FMNL3: variants seen among roughly 807,000 people sequenced by gnomAD.
The protein encoded by FMNL3 is formin like 3.
FMNL3 carries 57 observed loss-of-function variants against 119.6 expected under a neutral mutation model. The ratio of observed to expected loss-of-function variants is 0.48; its 90% CI spans 0.39 to 0.59. FMNL3 has a LOEUF of 0.59. Among genes scored for constraint, FMNL3 ranks in the 20% least tolerant of loss-of-function variants. FMNL3 has a pLI of 0.00. For missense variants in FMNL3, 1,053 were observed against 1,323.5 expected (o/e 0.80, Z 3.17); for synonymous variants, 491 against 507.3 (o/e 0.97, Z 0.43).
intron 1 of FMNL3, among the ~76,000 whole-genome samples, chr12:49,698,764 T>A (rs887533102): frequency 6.6e-6 from 1 of 152,068 alleles, no homozygotes; most frequent in Non-Finnish European, 1.5e-5. Context: ...TCACTCTCCA[T>A]GTGAAAGGAA....
chr12:49,680,287 C>T (rs918284802), intron 1 of FMNL3, among the ~76,000 whole-genome samples: 3 of 152,240 alleles, frequency 2.0e-5, no homozygotes, highest in African/African-American at 7.2e-5. Context: ...CTTCCAGACA[C>T]ATGTGGGAGG....
chr12:49,653,813 A>T lies in FMNL3; in HGVS notation c.1133T>A (p.Val378Glu), dbSNP rs752743403. Reference protein sequence around the residue: ...QVQIQAYLDNVFDVGGLLEDA... With the variant: ...QVQIQAYLDNEFDVGGLLEDA... ...CTCCAACAAACCCCCGACATCAAACACGTTGTCCAGATATGCCTGAATCTG... is the reference window on the plus strand; with the variant it reads ...CTCCAACAAACCCCCGACATCAAACTCGTTGTCCAGATATGCCTGAATCTG... Residue 378 changes from valine (V) to glutamate (E), a missense_variant, in exon 12 of 26, where the codon GTG becomes GAG. This residue lies in a region of FMNL3 where 445 missense variants were observed against 628.4 expected (regional missense o/e 0.71). Transcript: ENST00000335154. 6 of 1,614,076 alleles carry T rather than the reference A, an allele frequency of 3.7e-6. No individual in the cohort carries two copies. The highest frequency in any genetic ancestry group is 3.3e-5 in the Admixed American group (2 of 60,018).
rs1056396497 is a variant in FMNL3 at position 49,642,138 on chromosome 12, G to T, written c.*3677C>A. 3.1e-6 allele frequency: 5 copies of T among 1,605,856 alleles called. No homozygotes were observed. Among genetic ancestry groups the T allele is most frequent in the Non-Finnish European group, 4.3e-6 (5 of 1,174,554 alleles). ...CCCAATTCAGGGGATGGTGGTAGAA[G>T]CCCAGACCCTAACTTTCCACCTCCT... On this transcript the variant is annotated 3_prime_UTR_variant, in exon 26 of 26. Coordinates refer to ENST00000335154, the MANE Select transcript of FMNL3 (RefSeq NM_175736.5). This position sits in a 1 kb window ranked among gnomAD's most constrained non-coding sequence, Gnocchi z 5.8.
At chr12:49,668,629 C>T in intron 1 of FMNL3, 75 bp from the exon 2 acceptor site, 1 of 1,339,234 alleles carries the variant, frequency 7.5e-7, no homozygotes, top group Non-Finnish European at 1.1e-6. Flanking sequence ...ACTGCCCACA[C>T]CTTTCTGCTA....
rs151111602 is a variant in FMNL3 at position 49,683,960 on chromosome 12, C to A, written c.127-15406G>T. On this transcript the variant is annotated intron_variant, in intron 1 of 25. Coordinates refer to ENST00000335154, the MANE Select transcript of FMNL3 (RefSeq NM_175736.5). Reference sequence around the variant, plus strand: ...GTCCTATTCCTAAATACCCTTTTAGCCAGCAGAGATTTCCTTCTCTGGGCA... The same window carrying A: ...GTCCTATTCCTAAATACCCTTTTAGACAGCAGAGATTTCCTTCTCTGGGCA... Among the ~76,000 whole-genome samples, 93 of 152,296 alleles carry A rather than the reference C, an allele frequency of 6.1e-4. 1 individual carries two copies. The highest frequency in any genetic ancestry group is 4.0e-3 in the Admixed American group (61 of 15,300).
At position 49,648,204 on chromosome 12, in the gene FMNL3, TG is replaced by T; in HGVS notation, c.2664del (p.Lys889ArgfsTer53). 6.2e-7 allele frequency: 1 copy of T among 1,613,272 alleles called. No homozygotes were observed. Among genetic ancestry groups the T allele is most frequent in the Non-Finnish European group, 8.5e-7 (1 of 1,179,590 alleles). ...CACCCCGTGCTTGCCTCAGCCGTCT[TG>T]GCGTCCCGCTGGAGCTTGTCTAGTT... is the stretch of plus-strand genomic sequence containing the variant. ...EGKLDKLQRD[A>X]KTAEEAYNAV... On this transcript the variant is annotated frameshift_variant, in exon 22 of 26. Transcript: ENST00000335154. LOFTEE classifies it high-confidence loss of function.
intron 1 of FMNL3, among the ~76,000 whole-genome samples, chr12:49,692,910 G>A (rs1283457802): frequency 2.0e-5 from 3 of 152,176 alleles, no homozygotes; most frequent in East Asian, 1.9e-4. Flanking sequence ...AGAAAGAGTC[G>A]TTTTAACATC....
In FMNL3 at chr12:49,657,102, T is replaced by A; in HGVS notation, c.694A>T (p.Arg232Ter). ...CTTACCTGATAGTTCATGATGGCTCTGAGACAAAGGATACAGACGTGGACG... is the reference window on the plus strand; with the variant it reads ...CTTACCTGATAGTTCATGATGGCTCAGAGACAAAGGATACAGACGTGGACG... ...DDVHVCILCL[R>*]AIMNYQYGFN... The change falls in exon 7 of 26, where the codon AGA (arginine) becomes TGA (stop). Residue 232 changes from arginine to a stop codon, truncating the protein, a stop_gained. Coordinates refer to ENST00000335154, the MANE Select transcript of FMNL3 (RefSeq NM_175736.5). LOFTEE classifies it high-confidence loss of function. 1.2e-6 allele frequency: 2 copies of A among 1,614,182 alleles called. No individual in the cohort carries two copies. Among genetic ancestry groups the A allele is most frequent in the Non-Finnish European group, 1.7e-6 (2 of 1,180,022 alleles).
chr12:49,694,412 C>T (rs1186895599), intron 1 of FMNL3, among the ~76,000 whole-genome samples: 1 of 152,148 alleles, frequency 6.6e-6, no homozygotes, highest in African/African-American at 2.4e-5. Flanking sequence ...CCCGATTATT[C>T]CTTACATGCA....
chr12:49,675,667 G>A (rs1337332089), intron 1 of FMNL3, among the ~76,000 whole-genome samples: 1 of 152,176 alleles, frequency 6.6e-6, no homozygotes, highest in Non-Finnish European at 1.5e-5. Flanking sequence ...TCTGGGATAA[G>A]CTTCTAGCTG....
intron 1 of FMNL3, among the ~76,000 whole-genome samples, chr12:49,706,352 A>AG (rs1000868604): frequency 4.6e-5 from 7 of 152,286 alleles, no homozygotes; most frequent in South Asian, 4.1e-4. Context: ...TAACGTGAAA[A>AG]GGGGGGGAGG....
At chr12:49,654,841 A>G (rs1452073427) in intron 10 of FMNL3, 69 bp downstream of exon 10, 7 of 1,444,542 alleles carry the variant, frequency 4.8e-6, no homozygotes, top group Non-Finnish European at 6.7e-6. Flanking sequence ...TGTTGGCCTC[A>G]CCCCTGTTGT....
chr12:49,647,232 T>C lies in FMNL3; in HGVS notation c.2871+44A>G. 1 of 1,608,616 alleles carries C rather than the reference T, an allele frequency of 6.2e-7. No individual in the cohort carries two copies. Among genetic ancestry groups the C allele is most frequent in the Non-Finnish European group, 8.5e-7 (1 of 1,175,398 alleles). On this transcript the variant is annotated intron_variant, in intron 24 of 25. Coordinates refer to ENST00000335154, the MANE Select transcript of FMNL3 (RefSeq NM_175736.5). This position sits in a 1 kb window ranked among gnomAD's most constrained non-coding sequence, Gnocchi z 4.9. Reference sequence around the variant, plus strand: ...CCTTCTGACCCCCAGCCCCCACTCTTTTGCCTTGTCGTCCTCCAGGCCCCA... The same window carrying C: ...CCTTCTGACCCCCAGCCCCCACTCTCTTGCCTTGTCGTCCTCCAGGCCCCA...
At chr12:49,706,957 A>G in intron 1 of FMNL3, 98 bp downstream of exon 1, 1 of 1,379,712 alleles carries the variant, frequency 7.2e-7, no homozygotes. Context: ...ACCCCGACTG[A>G]AAGGGTGGGC....
intron 9 of FMNL3, among the ~76,000 whole-genome samples, chr12:49,655,835 G>A (rs1302007466): frequency 6.6e-6 from 1 of 152,174 alleles, no homozygotes; most frequent in East Asian, 1.9e-4. Flanking sequence ...AGCTGTGGCT[G>A]GATGTCGAAG....
At chr12:49,656,577 T>A in intron 8 of FMNL3, 80 bp from the exon 9 acceptor site, 1 of 1,335,450 alleles carries the variant, frequency 7.5e-7, no homozygotes, top group Non-Finnish European at 1.1e-6. Context: ...ACTGGGTAAG[T>A]CCTTTTGGAG....
intron 2 of FMNL3, among the ~76,000 whole-genome samples, chr12:49,667,413 C>T (rs376308118): frequency 2.5e-4 from 38 of 152,202 alleles, no homozygotes; most frequent in African/African-American, 8.4e-4. Flanking sequence ...TAATGCAGAA[C>T]ACAAGGATAT....
intron 1 of FMNL3, among the ~76,000 whole-genome samples, chr12:49,689,285 G>A (rs1944543286): frequency 6.6e-6 from 1 of 152,186 alleles, no homozygotes; most frequent in African/African-American, 2.4e-5. Context: ...AAATTATTCT[G>A]ATTCTCTAAC....
Position 49,652,083 on chromosome 12 carries a change from C to A in FMNL3, c.1453G>T (p.Ala485Ser). The change falls in exon 14 of 26, where the codon GCC (alanine) becomes TCC (serine). Residue 485 changes from alanine (A) to serine (S), a missense_variant. Ala to Ser is a moderately conservative substitution (Grantham distance 99). This residue lies in a region of FMNL3 where 445 missense variants were observed against 628.4 expected (regional missense o/e 0.71). Transcript: ENST00000335154. ...TCTGCAGGGCCTACTCTGGCCAGGGCCTCACTGTCCACAGACTCCAGGCCC... is the reference window on the plus strand; with the variant it reads ...TCTGCAGGGCCTACTCTGGCCAGGGACTCACTGTCCACAGACTCCAGGCCC... The part of the protein sequence containing the change: ...VRGLESVDSE[A>S]LARVGPAELS... 2 of 1,612,790 alleles carry A rather than the reference C, an allele frequency of 1.2e-6. No individual in the cohort carries two copies.
Sources: allele counts gnomAD v4.1 joint callset (sites outside exome capture counted in the v4.1 genomes callset), GRCh38; gene constraint gnomAD v4.1.1; regional missense constraint gnomAD v4.1.1; non-coding constraint Gnocchi (gnomAD v3.1); transcripts MANE v1.5; gene names NCBI Gene and HGNC (gene_info 2026-07-23, HGNC 2026-07-21).